MRTFB: variants seen among roughly 807,000 people sequenced by gnomAD.
The protein encoded by MRTFB is myocardin-related transcription factor B.
A neutral mutation model predicts 104.2 loss-of-function variants in MRTFB; 29 were observed. The observed-to-expected ratio is 0.28, with a 90% confidence interval of 0.21 to 0.38. MRTFB has a LOEUF of 0.38. MRTFB is among the 10% of genes least tolerant of loss of function. The pLI is 1.00. For missense variants in MRTFB, 1,270 were observed against 1,341.6 expected, an observed-to-expected ratio of 0.95 and a Z score of 0.83; for synonymous variants, 535 against 519.5, an observed-to-expected ratio of 1.03 and a Z score of -0.41.
chr16:14,093,648 G>A (rs1596790017), intron 2 of MRTFB, among the ~76,000 whole-genome samples: 1 of 152,130 alleles, frequency 6.6e-6, no homozygotes, highest in East Asian at 1.9e-4. Context: ...TTCAGATAAA[G>A]TTTGAACAAA....
intron 2 of MRTFB, among the ~76,000 whole-genome samples, chr16:14,139,215 CAAT>C (rs2037873358): frequency 3.3e-5 from 5 of 151,972 alleles, no homozygotes; most frequent in Admixed American, 3.3e-4. Flanking sequence ...TCTGAAAACT[CAAT>C]AATAAGAAAA....
At chr16:14,013,113 CTG>C in the MRTFB span, 1 of 152,142 alleles carries the variant, frequency 6.6e-6, no homozygotes, top group African/African-American at 2.4e-5. Context: ...ATTTCAAGAA[CTG>C]TTTTTGAGTG....
At chr16:13,997,338 G>A in the MRTFB span, among the ~76,000 whole-genome samples, 3 of 151,926 alleles carry the variant, frequency 2.0e-5, no homozygotes, top group Non-Finnish European at 2.9e-5. Flanking sequence ...TTAGTTTATT[G>A]GGCAACTTTG....
the MRTFB span, among the ~76,000 whole-genome samples, chr16:14,061,615 C>T: frequency 7.1e-6 from 1 of 140,574 alleles, no homozygotes; most frequent in Non-Finnish European, 1.5e-5. Flanking sequence ...GTGCAGGGCA[C>T]TCAATCTAGT....
chr16:14,247,483 C>T lies in MRTFB; in HGVS notation c.2223C>T (p.Leu741=). 6.4e-7 allele frequency: 1 copy of T among 1,569,806 alleles called. No individual in the cohort carries two copies. The highest frequency in any genetic ancestry group is 8.6e-7 in the Non-Finnish European group (1 of 1,162,924). The change falls in exon 12 of 17, where the codon CTC becomes CTT. Residue 741 remains leucine (L), a synonymous_variant. Coordinates refer to ENST00000571589, the MANE Select transcript of MRTFB (RefSeq NM_001308142.2). The stretch of plus-strand genomic sequence containing the variant: ...GCTCGAGTGTCACCTCAGTGCAACT[C>T]CCTGTAGGCAGCCTCAAACTCCAGG... ...IQGSSVTSVQ[L]PVGSLKLQTS... is the part of the protein sequence containing the mutation.
chr16:14,053,395 C>T, the MRTFB span, among the ~76,000 whole-genome samples: 44 of 151,918 alleles, frequency 2.9e-4, no homozygotes, highest in African/African-American at 9.4e-4. Flanking sequence ...TTGATGTAGC[C>T]GAGGCAACAT....
intron 13 of MRTFB, among the ~76,000 whole-genome samples, chr16:14,251,544 C>T (rs891875735): frequency 6.6e-6 from 1 of 152,198 alleles, no homozygotes; most frequent in Non-Finnish European, 1.5e-5. Context: ...CGTAAAGGGA[C>T]CACATATGCT....
chr16:14,172,631 T>C (rs1484220578), intron 3 of MRTFB, among the ~76,000 whole-genome samples: 1 of 152,150 alleles, frequency 6.6e-6, no homozygotes, highest in Non-Finnish European at 1.5e-5. Context: ...TCACTTCGCA[T>C]TCCAACTAGC....
intron 3 of MRTFB, among the ~76,000 whole-genome samples, chr16:14,202,446 A>G (rs1362918666): frequency 6.6e-6 from 1 of 152,228 alleles, no homozygotes; most frequent in Non-Finnish European, 1.5e-5. Context: ...CAGTACACAT[A>G]GTGTTCTGTT....
intron 1 of MRTFB, among the ~76,000 whole-genome samples, chr16:14,074,015 A>C (rs1286229177): frequency 6.6e-6 from 1 of 152,182 alleles, no homozygotes; most frequent in Non-Finnish European, 1.5e-5. Context: ...AATGTTACCT[A>C]CATTGTAACA....
chr16:14,139,457 A>G (rs553932325), intron 2 of MRTFB, among the ~76,000 whole-genome samples: 1 of 152,222 alleles, frequency 6.6e-6, no homozygotes, highest in Non-Finnish European at 1.5e-5. Flanking sequence ...CCCTGCTGGT[A>G]AGAATGTAAA....
chr16:14,238,941 T>TTA lies in MRTFB; in HGVS notation c.832-1293_832-1292dup, dbSNP rs555599375. On this transcript the variant is annotated intron_variant, in intron 9 of 16. Transcript: ENST00000571589. ...TAACTGGCTGGGCTCAGAGGGCAGA[T>TTA]TATAGCCTTTGCCAATTCCCATGGT... 7.2e-5 allele frequency among the ~76,000 whole-genome samples: 11 copies of TTA among 152,312 alleles called. No homozygotes were observed. The South Asian group carries it at 1.7e-3, about 23-fold the overall frequency.
At chr16:14,046,528 G>C in the MRTFB span, among the ~76,000 whole-genome samples, 1 of 152,024 alleles carries the variant, frequency 6.6e-6, no homozygotes, top group African/African-American at 2.4e-5. Context: ...CCTCATATTG[G>C]GTTTCATTTC....
chr16:14,091,513 C>T (rs1256143760), intron 2 of MRTFB, among the ~76,000 whole-genome samples: 2 of 152,112 alleles, frequency 1.3e-5, no homozygotes, highest in African/African-American at 2.4e-5. Flanking sequence ...CACTCTTGGC[C>T]TTGGGAGTTT....
At position 14,246,676 on chromosome 16, in the gene MRTFB, C is replaced by T. The variant is rs1380691283; in HGVS notation, c.1416C>T (p.Asn472=). The change falls in exon 12 of 17, where the codon AAC becomes AAT. Residue 472 remains asparagine, a synonymous_variant. Transcript: ENST00000571589. The part of the protein sequence containing the change: ...TVALPVTTLH[N]TVTSSVSTLK... ...CCTTGCCGGTTACAACACTACACAACACTGTGACTAGCTCAGTCTCTACTC... is the reference window on the plus strand; with the variant it reads ...CCTTGCCGGTTACAACACTACACAATACTGTGACTAGCTCAGTCTCTACTC... 1.9e-6 allele frequency: 3 copies of T among 1,614,232 alleles called. No individual in the cohort carries two copies. The highest frequency in any genetic ancestry group is 4.5e-5 in the East Asian group (2 of 44,892).
At position 14,187,121 on chromosome 16, in the gene MRTFB, G is replaced by A. The variant is rs573889169; in HGVS notation, c.155-23122G>A. ...GCGTGTCTGTCTGTTACCATGCTAT[G>A]TGTCTGCTCTCTCTGTTCACTCATG... On this transcript the variant is annotated intron_variant, in intron 3 of 16. Transcript: ENST00000571589. The A allele has an allele frequency of 4.6e-6, 5 of 1,084,656 alleles. No individual in the cohort carries two copies. The African/African-American group carries it at 7.9e-5, about 17-fold the overall frequency. The allele number at this position is 1,084,656 out of a possible 1,614,324, so 67.2% of individuals were successfully genotyped here.
chr16:14,250,822 C>A (rs762447038), intron 13 of MRTFB, among the ~76,000 whole-genome samples: 1 of 152,066 alleles, frequency 6.6e-6, no homozygotes, highest in Non-Finnish European at 1.5e-5. Context: ...CAAGCGGCGT[C>A]GCTGAGATGT....
At chr16:14,121,056 G>C (rs1050031852) in intron 2 of MRTFB, among the ~76,000 whole-genome samples, 6 of 152,102 alleles carry the variant, frequency 3.9e-5, no homozygotes, top group African/African-American at 1.4e-4. Flanking sequence ...TCTTTAAGCT[G>C]TTGCTCTCTT....
chr16:14,046,664 G>T, the MRTFB span, among the ~76,000 whole-genome samples: 67 of 152,256 alleles, frequency 4.4e-4, no homozygotes, highest in Admixed American at 1.0e-3. Flanking sequence ...TGTAAATGGT[G>T]ACTTTCTTCC....
Sources: gnomAD v4.1 joint callset for allele counts (sites outside exome capture counted in the v4.1 genomes callset) on GRCh38, gnomAD v4.1.1 for gene constraint, MANE v1.5 for transcripts, NCBI Gene and HGNC (gene_info 2026-07-23, HGNC 2026-07-21) for gene names.